Variants in HSD17B14 observed in about 807,000 individuals in gnomAD.
The protein encoded by HSD17B14 is L-fucose dehydrogenase.
A neutral mutation model predicts 32.2 loss-of-function variants in HSD17B14; 32 were observed. The ratio of observed to expected loss-of-function variants is 0.99; its 90% CI spans 0.75 to 1.33. The LOEUF is 1.33. Among genes scored for constraint, HSD17B14 ranks in the 40% most tolerant of loss-of-function variants. The probability of loss-of-function intolerance (pLI) is 0.00; values close to 1 mark genes in which losing one functional copy is unlikely to be tolerated. For missense variants in HSD17B14, 370 were observed against 366.5 expected (o/e 1.01, Z -0.08); for synonymous variants, 140 against 155.4 (o/e 0.90, Z 0.74).
intron 5 of HSD17B14, among the ~76,000 whole-genome samples, chr19:48,822,081 G>T (rs1036990014): frequency 2.6e-5 from 4 of 151,336 alleles, no homozygotes; most frequent in African/African-American, 9.7e-5. Flanking sequence ...TAACAATGGT[G>T]ATGGTGATGA....
chr19:48,814,800 A>G (rs926277148), intron 6 of HSD17B14, among the ~76,000 whole-genome samples: 2 of 151,438 alleles, frequency 1.3e-5, no homozygotes, highest in Non-Finnish European at 2.9e-5. Flanking sequence ...AGATTGCACC[A>G]CTGAACTCCA....
intron 5 of HSD17B14, among the ~76,000 whole-genome samples, chr19:48,830,101 A>G (rs892192846): frequency 3.1e-4 from 47 of 151,924 alleles, no homozygotes; most frequent in African/African-American, 1.1e-3. Context: ...TTTAACCTGA[A>G]TTGACTCTCC....
intron 5 of HSD17B14, among the ~76,000 whole-genome samples, chr19:48,823,864 C>A (rs1490475705): frequency 1.4e-5 from 2 of 147,922 alleles, no homozygotes; most frequent in East Asian, 4.5e-4. Context: ...TGGTCTTGAA[C>A]TCCTGACCTC....
intron 5 of HSD17B14, among the ~76,000 whole-genome samples, chr19:48,831,204 G>A (rs2035329926): frequency 6.6e-6 from 1 of 152,066 alleles, no homozygotes; most frequent in Admixed American, 6.6e-5. Flanking sequence ...CTAAGACTGG[G>A]CTATGTAGCT....
At chr19:48,831,787 A>AAAGT (rs776251133) in intron 4 of HSD17B14, 28 bp from the exon 5 acceptor site, 1 of 1,345,454 alleles carries the variant, frequency 7.4e-7, no homozygotes, top group South Asian at 1.2e-5. Flanking sequence ...AGAGAGAGGA[A>AAAGT]AAGTGACGGG....
chr19:48,829,660 G>A (rs1183896285), intron 5 of HSD17B14, among the ~76,000 whole-genome samples: 1 of 36,392 alleles, frequency 2.7e-5, no homozygotes. Context: ...TTTTTTTTGT[G>A]AGACGGAGTT....
At chr19:48,834,385 T>C (rs1327845144) in intron 2 of HSD17B14, 27 bp from the exon 3 acceptor site, 2 of 1,445,012 alleles carry the variant, frequency 1.4e-6, no homozygotes, top group Non-Finnish European at 1.9e-6. Flanking sequence ...GCTGGGAGCC[T>C]GGACCCCTGG....
intron 5 of HSD17B14, among the ~76,000 whole-genome samples, chr19:48,828,889 G>A (rs183003898): frequency 4.0e-5 from 6 of 151,896 alleles, no homozygotes; most frequent in Admixed American, 1.3e-4. Flanking sequence ...GTGAAACCTC[G>A]TCTCTACTAA....
At chr19:48,826,443 G>A (rs144316441) in intron 5 of HSD17B14, among the ~76,000 whole-genome samples, 2,164 of 139,284 alleles carry the variant, frequency 0.016, 67 homozygotes, top group African/African-American at 0.056. Context: ...GTGGTGAGCC[G>A]AGATCCTGCC....
intron 5 of HSD17B14, 150 bp downstream of exon 5, chr19:48,831,518 C>T: frequency 1.5e-6 from 1 of 646,578 alleles, no homozygotes; most frequent in Non-Finnish European, 2.9e-6. Context: ...ACACCACTGT[C>T]CTCCAGCCTG....
intron 2 of HSD17B14, among the ~76,000 whole-genome samples, chr19:48,835,375 G>GA (rs1415579776): frequency 2.3e-5 from 3 of 127,812 alleles, no homozygotes; most frequent in South Asian, 3.0e-4. Flanking sequence ...GAGGGGCTGA[G>GA]GTCTGGACTC....
chr19:48,815,651 C>G (rs900673805), intron 5 of HSD17B14, among the ~76,000 whole-genome samples: 1 of 152,036 alleles, frequency 6.6e-6, no homozygotes, highest in Non-Finnish European at 1.5e-5. Flanking sequence ...GTTGGGATTA[C>G]AGGCACGAGG....
chr19:48,814,718 C>A (rs2035021113), intron 6 of HSD17B14, among the ~76,000 whole-genome samples: 2 of 151,642 alleles, frequency 1.3e-5, no homozygotes, highest in South Asian at 4.2e-4. Context: ...GTGGCATGCG[C>A]CTGTAGTCCC....
Position 48,836,489 on chromosome 19 carries a change from A to C in HSD17B14, c.-78T>G. The C allele has an allele frequency of 6.8e-7, 1 of 1,462,328 alleles. No individual in the cohort carries two copies. Among genetic ancestry groups the C allele is most frequent in the Non-Finnish European group, 9.5e-7 (1 of 1,051,010 alleles). The allele number at this position is 1,462,328 out of a possible 1,614,324, so 90.6% of individuals were successfully genotyped here. On this transcript the variant is annotated 5_prime_UTR_variant, in exon 1 of 9. Transcript: ENST00000263278. The stretch of plus-strand genomic sequence containing the variant: ...AAGCCCCGTGAGGCCGTCGCATCAA[A>C]TCCTCAATAGAGGCTGGATCCTGGA...
In HSD17B14 at chr19:48,818,317, AGAAAAAAG is replaced by A. The variant is rs1182517743; in HGVS notation, c.370-3184_370-3177del. 7.6e-4 allele frequency among the ~76,000 whole-genome samples: 109 copies of A among 142,866 alleles called. 1 individual carries two copies. Among genetic ancestry groups the A allele is most frequent in the Admixed American group, 3.8e-3 (54 of 14,062 alleles). The allele number at this position is 142,866 out of a possible 152,430, so 93.7% of individuals were successfully genotyped here. A position where few individuals can be genotyped will look rare whatever the true frequency, so the allele number is the denominator to read the frequency against. On this transcript the variant is annotated intron_variant, in intron 5 of 8. Transcript: ENST00000263278. ...CAGATAAAGACTGTCTCAAAAAAAAAGAAAAAAGAAAAAAGAAAAAGAGAAACCATGCT... is the reference window on the plus strand; with the variant it reads ...CAGATAAAGACTGTCTCAAAAAAAAAAAAAAAGAAAAAGAGAAACCATGCT...
rs535974888 is a variant in HSD17B14 at position 48,836,357 on chromosome 19, G to A, written c.55C>T (p.Arg19Cys). The change falls in exon 1 of 9, where the codon CGC becomes TGC. Residue 19 changes from arginine (R) to cysteine (C), a missense_variant. Arg to Cys is a radical substitution (Grantham distance 180). Coordinates refer to ENST00000263278, the MANE Select transcript of HSD17B14 (RefSeq NM_016246.3). ...CGCACGATCCCAGCTCCGATGCCGC[G>A]CCCGCCCCCGGTCACGACCACCACC... ...GKVVVVTGGG[R>C]GIGAGIVRAF... is the part of the protein sequence containing the mutation. 1.2e-6 allele frequency: 2 copies of A among 1,612,602 alleles called. No homozygotes were observed. The highest frequency in any genetic ancestry group is 1.3e-5 in the African/African-American group (1 of 74,452).
At chr19:48,828,605 G>A (rs1233629184) in intron 5 of HSD17B14, among the ~76,000 whole-genome samples, 1 of 151,928 alleles carries the variant, frequency 6.6e-6, no homozygotes, top group African/African-American at 2.4e-5. Context: ...GTGAGTCCCT[G>A]TCTCAAAAAG....
chr19:48,816,826 T>TCTTTCTTTC (rs1352133457), intron 5 of HSD17B14, among the ~76,000 whole-genome samples: 49 of 149,000 alleles, frequency 3.3e-4, no homozygotes, highest in African/African-American at 1.2e-3. Flanking sequence ...TTTCTTTCTT[T>TCTTTCTTTC]TCTTTCTCTC....
intron 5 of HSD17B14, among the ~76,000 whole-genome samples, chr19:48,825,921 C>T (rs983405393): frequency 9.2e-5 from 14 of 151,756 alleles, no homozygotes; most frequent in Non-Finnish European, 1.5e-4. Flanking sequence ...CCTGGGTTCA[C>T]GCCATTCTCC....
Sources: gnomAD v4.1 joint callset for allele counts (sites outside exome capture counted in the v4.1 genomes callset) on GRCh38, gnomAD v4.1.1 for gene constraint, MANE v1.5 for transcripts, NCBI Gene and HGNC (gene_info 2026-07-23, HGNC 2026-07-21) for gene names.